Variants in MED8 observed in about 807,000 individuals in gnomAD.
The protein encoded by MED8 is mediator of RNA polymerase II transcription subunit 8.
Under a neutral mutation model 34.8 loss-of-function variants are expected in MED8, and 22 were observed. The ratio of observed to expected loss-of-function variants is 0.63; its 90% CI spans 0.45 to 0.90. MED8 has a LOEUF of 0.90. Among genes scored for constraint, MED8 ranks in the 40% least tolerant of loss-of-function variants. The pLI is 0.00. For synonymous variants in MED8, 105 were observed against 120.2 expected, an observed-to-expected ratio of 0.87 and a Z score of 0.83; for missense variants, 260 against 326.3, an observed-to-expected ratio of 0.80 and a Z score of 1.57.
chr1:43,385,176 C>T (rs1647685093), intron 6 of MED8, 70 bp from the exon 7 acceptor site: 1 of 1,528,766 alleles, frequency 6.5e-7, no homozygotes, highest in African/African-American at 1.4e-5. Context: ...AATGTGGTAC[C>T]TCAGGTTCCC....
chr1:43,386,188 T>C lies in MED8; in HGVS notation c.532A>G (p.Thr178Ala). 1.2e-6 allele frequency: 2 copies of C among 1,613,958 alleles called. No individual in the cohort carries two copies. Among genetic ancestry groups the C allele is most frequent in the South Asian group, 2.2e-5 (2 of 91,084 alleles). ...GCAACAGCTGCCACCAAGGCATTAG[T>C]GTCTGTAGGGTTAAAGGTCTGCTTG... The part of the protein sequence containing the change: ...PNKQTFNPTD[T>A]NALVAAVAFG... Residue 178 changes from threonine to alanine, a missense_variant, in exon 6 of 7, where the codon ACT (threonine) becomes GCT (alanine). Transcript: ENST00000372457. The surrounding 1 kb of genome is among the most constrained non-coding windows in gnomAD (Gnocchi z 4.9).
chr1:43,389,255 C>T (rs1557488927), intron 1 of MED8: 1 of 158,918 alleles, frequency 6.3e-6, no homozygotes, highest in Non-Finnish European at 1.4e-5. Context: ...GTCTTGCAAA[C>T]CTGCCTGACA....
rs759696338 is a variant in MED8 at position 43,386,212 on chromosome 1, T to C, written c.508A>G (p.Lys170Glu). 2 of 1,613,476 alleles carry C rather than the reference T, an allele frequency of 1.2e-6. No individual in the cohort carries two copies. Among genetic ancestry groups the C allele is most frequent in the Non-Finnish European group, 1.7e-6 (2 of 1,179,732 alleles). Residue 170 changes from lysine to glutamate, a missense_variant, in exon 6 of 7, where the codon AAG becomes GAG. Coordinates refer to ENST00000372457, the MANE Select transcript of MED8 (RefSeq NM_201542.5). This position sits in a 1 kb window ranked among gnomAD's most constrained non-coding sequence, Gnocchi z 4.9. ...GTGTCTGTAGGGTTAAAGGTCTGCT[T>C]GTTCGGCCGGAGACCTGAAGAAAAA... ...ESESGGLRPNKQTFNPTDTNA... is the reference protein window; with the variant it reads ...ESESGGLRPNEQTFNPTDTNA...
rs775868930 is a variant in MED8 at position 43,389,749 on chromosome 1, C to T, written c.6+10G>A. ...TTGCCAGCCGCTAGTACGCCCAACG[C>T]AACTCTCACCTGCATTGCGGCGGCC... On this transcript the variant is annotated intron_variant, in intron 1 of 6. Coordinates refer to ENST00000372457, the MANE Select transcript of MED8 (RefSeq NM_201542.5). The T allele has an allele frequency of 2.5e-6, 4 of 1,607,744 alleles. No individual in the cohort carries two copies. Among genetic ancestry groups the T allele is most frequent in the East Asian group, 2.3e-5 (1 of 44,072 alleles).
At position 43,387,462 on chromosome 1, in the gene MED8, A is replaced by C. The variant is rs142792979; in HGVS notation, c.270+41T>G. On this transcript the variant is annotated intron_variant, in intron 3 of 6. Transcript: ENST00000372457. ...CCTAAATACTAAAGAAGCCTAAAAA[A>C]CCCCTTAATTTCCCAAGTTGTATTC... 10 of 1,603,532 alleles carry C rather than the reference A, an allele frequency of 6.2e-6. 1 individual carries two copies. In the East Asian group the frequency reaches 2.2e-4, roughly 36 times the overall value.
chr1:43,388,665 C>A, intron 1 of MED8: 1 of 529,110 alleles, frequency 1.9e-6, no homozygotes. Context: ...TTCCTTTTCC[C>A]CATCACCTCC....
intron 1 of MED8, 149 bp downstream of exon 1, chr1:43,389,610 T>A: frequency 2.4e-6 from 3 of 1,266,312 alleles, no homozygotes; most frequent in Admixed American, 5.7e-5. Flanking sequence ...CCGCTCCAAT[T>A]AGCCTCGCCC....
chr1:43,388,026 G>C (rs1055244129), intron 2 of MED8, among the ~76,000 whole-genome samples: 17 of 152,190 alleles, frequency 1.1e-4, no homozygotes, highest in Non-Finnish European at 1.9e-4. Flanking sequence ...CACATCTGTG[G>C]CAAGAGATCC....
At position 43,384,362 on chromosome 1, in the gene MED8, G is replaced by T. The variant is rs1647649538; in HGVS notation, c.*680C>A. 3.4e-6 allele frequency: 5 copies of T among 1,471,990 alleles called. No individual in the cohort carries two copies. The East Asian group carries it at 1.2e-4, about 37-fold the overall frequency. The allele number at this position is 1,471,990 out of a possible 1,614,324, so 91.2% of individuals were successfully genotyped here. ...GAGAAAGCCTCGTGTGTATAAGGTG[G>T]GGTAAAGGATAGGGGACTTTATGAC... On this transcript the variant is annotated 3_prime_UTR_variant, in exon 7 of 7. Transcript: ENST00000372457.
rs1279013903 is a variant in MED8 at position 43,386,113 on chromosome 1, C to T, written c.607G>A (p.Gly203Ser). The change falls in exon 6 of 7, where the codon GGC (glycine) becomes AGC (serine). Residue 203 changes from glycine to serine, a missense_variant. Transcript: ENST00000372457. The surrounding 1 kb of genome is among the most constrained non-coding windows in gnomAD (Gnocchi z 4.9). Reference sequence around the variant, plus strand: ...CCAGCTCCTGGCTGGCCTGCCTGGCCAGGACCACTGCTGCCTGAAGGTCTC... The same window carrying T: ...CCAGCTCCTGGCTGGCCTGCCTGGCTAGGACCACTGCTGCCTGAAGGTCTC... ...NWRPSGSSGPGQAGQPGAGTI... is the reference protein window; with the variant it reads ...NWRPSGSSGPSQAGQPGAGTI... 1.9e-6 allele frequency: 3 copies of T among 1,613,904 alleles called. No individual in the cohort carries two copies. Among genetic ancestry groups the T allele is most frequent in the Non-Finnish European group, 2.5e-6 (3 of 1,179,896 alleles).
chr1:43,387,717 G>T, intron 2 of MED8, 70 bp from the exon 3 acceptor site: 1 of 1,563,010 alleles, frequency 6.4e-7, no homozygotes, highest in Non-Finnish European at 8.8e-7. Flanking sequence ...AATAGTCCTA[G>T]TTCCTTCAGG....
chr1:43,384,865 A>G lies in MED8; in HGVS notation c.*177T>C. On this transcript the variant is annotated 3_prime_UTR_variant, in exon 7 of 7. Coordinates refer to ENST00000372457, the MANE Select transcript of MED8 (RefSeq NM_201542.5). ...ATTTACAAATGAGAAACAGGCTCAG[A>G]AAAATTAGGTCACTTGTCCAAGGTC... 3 of 1,399,082 alleles carry G rather than the reference A, an allele frequency of 2.1e-6. No homozygotes were observed. The highest frequency in any genetic ancestry group is 2.8e-6 in the Non-Finnish European group (3 of 1,068,042). 86.7% of individuals were successfully genotyped at this position (1,399,082 alleles called of 1,614,324 possible). A position where few individuals can be genotyped will look rare whatever the true frequency, so the allele number is the denominator to read the frequency against.
intron 1 of MED8, chr1:43,388,632 C>T (rs1647874459): frequency 1.4e-6 from 1 of 732,348 alleles, no homozygotes; most frequent in South Asian, 2.1e-5. Context: ...GTTTGCCTGA[C>T]CCCAAGTCCT....
At position 43,386,286 on chromosome 1, in the gene MED8, G is replaced by T; in HGVS notation, c.494-60C>A. The stretch of plus-strand genomic sequence containing the variant: ...TTCTGATGCAGGACTGAACGTGGCA[G>T]CTGGAAGACCAGTATGAGTGCCAGG... On this transcript the variant is annotated intron_variant, in intron 5 of 6. Coordinates refer to ENST00000372457, the MANE Select transcript of MED8 (RefSeq NM_201542.5). This position sits in a 1 kb window ranked among gnomAD's most constrained non-coding sequence, Gnocchi z 4.9. The T allele has an allele frequency of 6.4e-7, 1 of 1,569,372 alleles. No individual in the cohort carries two copies. The highest frequency in any genetic ancestry group is 1.8e-5 in the Admixed American group (1 of 57,126).
chr1:43,387,692 G>A (rs1247096893), intron 2 of MED8, 45 bp from the exon 3 acceptor site: 2 of 1,607,424 alleles, frequency 1.2e-6, no homozygotes, highest in Non-Finnish European at 1.7e-6. Flanking sequence ...CCCTTCCCTG[G>A]GTGGTTCTTA....
In MED8 at chr1:43,387,326, T is replaced by C. The variant is rs1447668584; in HGVS notation, c.270+177A>G. 3.3e-5 allele frequency among the ~76,000 whole-genome samples: 5 copies of C among 152,176 alleles called. No individual in the cohort carries two copies. In the South Asian group the frequency reaches 1.0e-3, roughly 32 times the overall value. ...AAGAAAGGTATCAGCCTTGGTGACA[T>C]ACCCCTCAGGTTATTACAGCACTAT... On this transcript the variant is annotated intron_variant, in intron 3 of 6. Transcript: ENST00000372457.
In MED8 at chr1:43,389,787, A is replaced by T. The variant is rs2153926316; in HGVS notation, c.-23T>A. On this transcript the variant is annotated 5_prime_UTR_variant, in exon 1 of 7. Coordinates refer to ENST00000372457, the MANE Select transcript of MED8 (RefSeq NM_201542.5). Reference sequence around the variant, plus strand: ...CATTGCGGCGGCCGAGGCGGCTGCCACGATTTCACTTCCGGTTTTCCAGTC... The same window carrying T: ...CATTGCGGCGGCCGAGGCGGCTGCCTCGATTTCACTTCCGGTTTTCCAGTC... The T allele has an allele frequency of 6.2e-7, 1 of 1,609,886 alleles. No homozygotes were observed. The highest frequency in any genetic ancestry group is 1.7e-4 in the Middle Eastern group (1 of 6,058).
rs1647838346 is a variant in MED8, at chr1:43,388,353, T to G, written c.82A>C (p.Ser28Arg). The G allele has an allele frequency of 1.2e-6, 2 of 1,613,460 alleles. No homozygotes were observed. The highest frequency in any genetic ancestry group is 2.7e-5 in the African/African-American group (2 of 74,886). ...QVADLKNSLGSFICKLENEYG... is the reference protein window; with the variant it reads ...QVADLKNSLGRFICKLENEYG... ...TCGTTCTCCAACTTGCAAATGAAAC[T>G]CCCCAGAGAGTTCTTCAGATCAGCC... The change falls in exon 2 of 7, where the codon AGT (serine) becomes CGT (arginine). Residue 28 changes from serine (S) to arginine (R), a missense_variant. Physicochemically the swap from Ser to Arg is moderately radical, Grantham distance 110. Transcript: ENST00000372457.
At chr1:43,387,141 A>G (rs1330556438) in intron 3 of MED8, 143 bp from the exon 4 acceptor site, 2 of 1,067,916 alleles carry the variant, frequency 1.9e-6, no homozygotes, top group Admixed American at 2.5e-5. Flanking sequence ...GCTAGGACAC[A>G]CTCTCCTTTA....
Sources: gnomAD v4.1 joint callset for allele counts (sites outside exome capture counted in the v4.1 genomes callset) on GRCh38, gnomAD v4.1.1 for gene constraint, Gnocchi (gnomAD v3.1) non-coding constraint, MANE v1.5 for transcripts, NCBI Gene and HGNC (gene_info 2026-07-23, HGNC 2026-07-21) for gene names.